CNTLN: variants seen among roughly 807,000 people sequenced by gnomAD.
CNTLN encodes centlein.
Under a neutral mutation model 180.0 loss-of-function variants are expected in CNTLN, and 212 were observed. The observed-to-expected ratio is 1.18, with a 90% CI of 1.05 to 1.32. The LOEUF is 1.32. Among genes scored for constraint, CNTLN ranks in the 40% most tolerant of loss-of-function variants. The pLI, the probability that CNTLN is intolerant of heterozygous loss-of-function variation, is 0.00. For missense variants in CNTLN, 2,095 were observed against 1,610.9 expected (o/e 1.30, Z -5.14); for synonymous variants, 722 against 563.1 (o/e 1.28, Z -3.99).
At chr9:17,242,485 T>C (rs1160055773) in intron 5 of CNTLN, among the ~76,000 whole-genome samples, 1 of 152,000 alleles carries the variant, frequency 6.6e-6, no homozygotes, top group Non-Finnish European at 1.5e-5. Flanking sequence ...TGATGTTTCT[T>C]TTTTTAGTAG....
intron 7 of CNTLN, chr9:17,302,177 C>A: frequency 1.1e-6 from 1 of 894,524 alleles, no homozygotes; most frequent in South Asian, 5.2e-5. Flanking sequence ...GAAGCTATAA[C>A]ATCATATTAA....
At chr9:17,490,428 G>GA (rs1833099550) in intron 25 of CNTLN, among the ~76,000 whole-genome samples, 1 of 152,078 alleles carries the variant, frequency 6.6e-6, no homozygotes, top group Non-Finnish European at 1.5e-5. Flanking sequence ...GATATCTTTG[G>GA]AGGTTTAGGG....
chr9:17,332,526 T>C, intron 9 of CNTLN, 79 bp from the exon 10 acceptor site: 1 of 1,376,482 alleles, frequency 7.3e-7, no homozygotes, highest in Non-Finnish European at 9.9e-7. Flanking sequence ...TATTCAAAAT[T>C]ACTTGTTCTT....
At chr9:17,462,718 T>A (rs565019614) in intron 19 of CNTLN, among the ~76,000 whole-genome samples, 198 bp from the exon 20 acceptor site, 1 of 151,754 alleles carries the variant, frequency 6.6e-6, no homozygotes, top group East Asian at 1.9e-4. Flanking sequence ...TAGTTTGGCA[T>A]GTTATATAAA....
At chr9:17,190,269 A>G (rs1325857930) in intron 2 of CNTLN, among the ~76,000 whole-genome samples, 1 of 151,520 alleles carries the variant, frequency 6.6e-6, no homozygotes, top group Admixed American at 6.6e-5. Context: ...TATTTTGTAC[A>G]GTTTTCAAGG....
chr9:17,399,135 G>C (rs1826767526), intron 15 of CNTLN, among the ~76,000 whole-genome samples: 1 of 152,120 alleles, frequency 6.6e-6, no homozygotes, highest in Non-Finnish European at 1.5e-5. Context: ...AATAGTTGTT[G>C]TTCTTTGCTG....
At chr9:17,262,820 G>A (rs906059490) in intron 5 of CNTLN, among the ~76,000 whole-genome samples, 6 of 151,256 alleles carry the variant, frequency 4.0e-5, no homozygotes, top group African/African-American at 1.2e-4. Context: ...TTGCCAGTAT[G>A]ATCAGTATGA....
At chr9:17,262,904 A>C (rs1827112184) in intron 5 of CNTLN, among the ~76,000 whole-genome samples, 3 of 150,912 alleles carry the variant, frequency 2.0e-5, no homozygotes, top group South Asian at 4.2e-4. Context: ...GTTTGTCGAG[A>C]GTTTTTATCA....
At position 17,277,275 on chromosome 9, in the gene CNTLN, G is replaced by A. The variant is rs1342751320; in HGVS notation, c.983+3409G>A. ...GGGATTGGTTTAGATGGGGTAGATGGGGTAGAACCATTACCTAATGGTTCT... is the reference window on the plus strand; with the variant it reads ...GGGATTGGTTTAGATGGGGTAGATGAGGTAGAACCATTACCTAATGGTTCT... On this transcript the variant is annotated intron_variant, in intron 6 of 25. Transcript: ENST00000380647. 4.0e-5 allele frequency among the ~76,000 whole-genome samples: 3 copies of A among 75,498 alleles called. 1 individual carries two copies. In the South Asian group the frequency reaches 1.8e-3, roughly 45 times the overall value. The allele number at this position is 75,498 out of a possible 152,430, so 49.5% of individuals were successfully genotyped here.
chr9:17,402,623 CT>C (rs1225624371), intron 15 of CNTLN, among the ~76,000 whole-genome samples: 1 of 151,834 alleles, frequency 6.6e-6, no homozygotes, highest in African/African-American at 2.4e-5. Context: ...CTCATTTAGT[CT>C]GTTGAAGGCC....
At chr9:17,202,831 T>C (rs555805886) in intron 2 of CNTLN, among the ~76,000 whole-genome samples, 1 of 151,998 alleles carries the variant, frequency 6.6e-6, no homozygotes, top group South Asian at 2.1e-4. Context: ...TTTAGCCCAT[T>C]TACATTTAAG....
At chr9:17,170,885 A>G (rs1486026666) in intron 2 of CNTLN, among the ~76,000 whole-genome samples, 2 of 152,120 alleles carry the variant, frequency 1.3e-5, no homozygotes, top group African/African-American at 4.8e-5. Context: ...AGATATGTTT[A>G]CATGCACAAA....
intron 13 of CNTLN, among the ~76,000 whole-genome samples, chr9:17,380,892 G>C (rs1329729350): frequency 6.6e-6 from 1 of 152,180 alleles, no homozygotes; most frequent in Non-Finnish European, 1.5e-5. Flanking sequence ...TGCAAGTCAA[G>C]TCCACTTCTG....
intron 25 of CNTLN, among the ~76,000 whole-genome samples, chr9:17,490,334 A>G (rs1833092516): frequency 6.6e-6 from 1 of 152,114 alleles, no homozygotes; most frequent in African/African-American, 2.4e-5. Context: ...AATAGATAGC[A>G]GTAATGAGAT....
intron 3 of CNTLN, among the ~76,000 whole-genome samples, chr9:17,233,842 T>G (rs182570496): frequency 1.2e-4 from 19 of 152,242 alleles, no homozygotes; most frequent in Non-Finnish European, 4.4e-5. Context: ...TACAGCATAT[T>G]AAATAGGGAC....
Position 17,201,528 on chromosome 9 carries a change from A to C in CNTLN, c.450-24675A>C, listed in dbSNP as rs570824061. 5.3e-5 allele frequency among the ~76,000 whole-genome samples: 8 copies of C among 152,200 alleles called. No individual in the cohort carries two copies. The South Asian group carries it at 1.5e-3, about 28-fold the overall frequency. ...CAATTGCAGAACTTGTTATTGGTCT[A>C]TTCAGGGATTCGACTTCTTTCTGGT... On this transcript the variant is annotated intron_variant, in intron 2 of 25. Transcript: ENST00000380647.
intron 2 of CNTLN, among the ~76,000 whole-genome samples, chr9:17,154,214 A>G (rs1404028446): frequency 6.6e-6 from 1 of 152,186 alleles, no homozygotes; most frequent in Non-Finnish European, 1.5e-5. Flanking sequence ...AGGAGTTGTC[A>G]TCCTTTGGAA....
intron 15 of CNTLN, among the ~76,000 whole-genome samples, chr9:17,400,017 T>C (rs1826845986): frequency 6.6e-6 from 1 of 152,232 alleles, no homozygotes; most frequent in African/African-American, 2.4e-5. Flanking sequence ...ATGTAAAACT[T>C]ATATTAAATA....
At position 17,171,636 on chromosome 9, in the gene CNTLN, G is replaced by A. The variant is rs141392733; in HGVS notation, c.449+28260G>A. On this transcript the variant is annotated intron_variant, in intron 2 of 25. Coordinates refer to ENST00000380647, the MANE Select transcript of CNTLN (RefSeq NM_017738.4). ...AGCTTAGCACAGTGCCTATGGAGTG[G>A]CCATGGAGCTGATGTTTGGAGCTCA... Among the ~76,000 whole-genome samples, 4 of 152,242 alleles carry A rather than the reference G, an allele frequency of 2.6e-5. No individual in the cohort carries two copies. The East Asian group carries it at 7.7e-4, about 29-fold the overall frequency.
Sources: gnomAD v4.1 joint callset for allele counts (sites outside exome capture counted in the v4.1 genomes callset) on GRCh38, gnomAD v4.1.1 for gene constraint, MANE v1.5 for transcripts, NCBI Gene and HGNC (gene_info 2026-07-23, HGNC 2026-07-21) for gene names.